RBFOX1: variants seen among roughly 807,000 people sequenced by gnomAD.
RBFOX1 encodes the protein RNA binding protein fox-1 homolog 1.
A neutral mutation model predicts 57.7 loss-of-function variants in RBFOX1; 8 were observed. The ratio of observed to expected loss-of-function variants is 0.14; its 90% CI spans 0.08 to 0.25. RBFOX1 has a LOEUF of 0.25. Among genes scored for constraint, RBFOX1 ranks in the 10% least tolerant of loss-of-function variants. The pLI, the probability that RBFOX1 is intolerant of heterozygous loss-of-function variation, is 1.00. For synonymous variants in RBFOX1, 326 were observed against 222.4 expected, an observed-to-expected ratio of 1.47 and a Z score of -4.15; for missense variants, 611 against 548.5, an observed-to-expected ratio of 1.11 and a Z score of -1.14.
chr16:7,674,838 T>G (rs1485507687), intron 13 of RBFOX1, among the ~76,000 whole-genome samples: 1 of 152,214 alleles, frequency 6.6e-6, no homozygotes, highest in Non-Finnish European at 1.5e-5. Context: ...ACTCGCTGCC[T>G]TCTTCCATTG....
At chr16:7,077,645 G>GT (rs1487720263) in intron 4 of RBFOX1, among the ~76,000 whole-genome samples, 1 of 152,152 alleles carries the variant, frequency 6.6e-6, no homozygotes, top group African/African-American at 2.4e-5. Context: ...TACCGTATTA[G>GT]TAGCAACTTA....
chr16:7,383,282 C>T (rs996992238), intron 4 of RBFOX1, among the ~76,000 whole-genome samples: 1 of 146,254 alleles, frequency 6.8e-6, no homozygotes, highest in Non-Finnish European at 1.5e-5. Flanking sequence ...AAAAAAAAAA[C>T]GTAAAATGCA....
chr16:6,883,375 C>G lies in RBFOX1; in HGVS notation c.-15-168682C>G, dbSNP rs75474815. 6.1e-3 allele frequency among the ~76,000 whole-genome samples: 927 copies of G among 152,258 alleles called. 15 individuals are homozygous for G. Among genetic ancestry groups the G allele is most frequent in the African/African-American group, 0.021 (877 of 41,536 alleles). On this transcript the variant is annotated intron_variant, in intron 3 of 15. Transcript: ENST00000550418. The stretch of plus-strand genomic sequence containing the variant: ...TAAAAGAGTATAATCAAGTAAATCA[C>G]AGCCTTTAAAATCACAGATTTCAAA...
chr16:7,694,310 C>G (rs1360232939), intron 14 of RBFOX1, among the ~76,000 whole-genome samples: 4 of 152,126 alleles, frequency 2.6e-5, no homozygotes, highest in Non-Finnish European at 4.4e-5. Flanking sequence ...CATCTGTTAC[C>G]TTTTATCAAT....
At chr16:6,164,147 A>G (rs74006907) in intron 1 of RBFOX1, among the ~76,000 whole-genome samples, 6,600 of 152,248 alleles carry the variant, frequency 0.043, 462 homozygotes, top group African/African-American at 0.15. Flanking sequence ...GTTTTGTAAC[A>G]TTAATCATCA....
chr16:5,259,227 A>G lies in RBFOX1; in HGVS notation c.219+19122A>G, dbSNP rs549004148. On this transcript the variant is annotated intron_variant, in intron 1 of 2. Transcript: ENST00000585867. Reference sequence around the variant, plus strand: ...GTGTTTTCCATAGTTCCATGTTTCTACAACCCTTAGGAACATCAGAATTAT... The same window carrying G: ...GTGTTTTCCATAGTTCCATGTTTCTGCAACCCTTAGGAACATCAGAATTAT... Among the ~76,000 whole-genome samples, 6 of 151,526 alleles carry G rather than the reference A, an allele frequency of 4.0e-5. No individual in the cohort carries two copies. The East Asian group carries it at 9.7e-4, about 24-fold the overall frequency.
At chr16:5,848,861 A>G (rs1254255665) in intron 3 of RBFOX1, among the ~76,000 whole-genome samples, 1 of 152,122 alleles carries the variant, frequency 6.6e-6, no homozygotes, top group East Asian at 1.9e-4. Context: ...AGGCAGGAGA[A>G]TCACTTGAAT....
At chr16:6,613,030 TGTGTGTGTGTGTGA>T (rs1174195252) in intron 2 of RBFOX1, among the ~76,000 whole-genome samples, 2 of 150,470 alleles carry the variant, frequency 1.3e-5, no homozygotes, top group African/African-American at 2.4e-5. Flanking sequence ...TGTGTGTGTG[TGTGTGTGTGTGTGA>T]GTGTGTGTGT....
intron 2 of RBFOX1, among the ~76,000 whole-genome samples, chr16:6,653,175 G>A (rs1283814400): frequency 1.3e-5 from 2 of 151,918 alleles, no homozygotes; most frequent in Non-Finnish European, 2.9e-5. Flanking sequence ...TTTCTCAATT[G>A]CCACTTTTTC....
chr16:6,337,521 A>C (rs1179682310), intron 2 of RBFOX1, among the ~76,000 whole-genome samples: 1 of 152,184 alleles, frequency 6.6e-6, no homozygotes, highest in African/African-American at 2.4e-5. Flanking sequence ...TAATGGGGGG[A>C]AATGATTGAT....
chr16:7,096,475 C>A (rs1012256030), intron 4 of RBFOX1, among the ~76,000 whole-genome samples: 1 of 152,140 alleles, frequency 6.6e-6, no homozygotes, highest in Non-Finnish European at 1.5e-5. Flanking sequence ...GGGTGGACCA[C>A]ACTCATCCAA....
intron 3 of RBFOX1, among the ~76,000 whole-genome samples, chr16:6,867,317 T>A (rs2060114940): frequency 6.6e-6 from 1 of 152,082 alleles, no homozygotes; most frequent in African/African-American, 2.4e-5. Context: ...CATTATTGGC[T>A]CTGATGATGG....
At chr16:6,501,255 G>T (rs2095913230) in intron 2 of RBFOX1, among the ~76,000 whole-genome samples, 1 of 146,230 alleles carries the variant, frequency 6.8e-6, no homozygotes, top group Non-Finnish European at 1.5e-5. Flanking sequence ...TCTTCATTTA[G>T]CATTAGGTAT....
intron 3 of RBFOX1, among the ~76,000 whole-genome samples, chr16:6,943,112 G>T (rs929629627): frequency 6.6e-6 from 1 of 152,122 alleles, no homozygotes; most frequent in African/African-American, 2.4e-5. Flanking sequence ...AGCCAATCTG[G>T]GTATTCATTC....
chr16:6,977,934 A>AG (rs758551212), intron 3 of RBFOX1, among the ~76,000 whole-genome samples: 52 of 115,278 alleles, frequency 4.5e-4, no homozygotes, highest in Non-Finnish European at 8.3e-4. Flanking sequence ...CAGCCTCCCC[A>AG]GGGAAAAAAA....
At chr16:5,247,023 G>A (rs2062318889) in intron 1 of RBFOX1, among the ~76,000 whole-genome samples, 1 of 152,118 alleles carries the variant, frequency 6.6e-6, no homozygotes, top group African/African-American at 2.4e-5. Context: ...GGTATTTGTC[G>A]TTCTGTGCCT....
intron 3 of RBFOX1, among the ~76,000 whole-genome samples, chr16:6,696,340 AT>A (rs2061043936): frequency 6.6e-6 from 1 of 152,128 alleles, no homozygotes; most frequent in African/African-American, 2.4e-5. Flanking sequence ...GGAAAAAAAA[AT>A]TTAGACTAGC....
intron 3 of RBFOX1, among the ~76,000 whole-genome samples, chr16:6,752,006 G>GA (rs1568461589): frequency 6.6e-6 from 1 of 152,078 alleles, no homozygotes; most frequent in East Asian, 1.9e-4. Flanking sequence ...ATCCCAGTTG[G>GA]AATAGGTGAC....
intron 4 of RBFOX1, among the ~76,000 whole-genome samples, chr16:7,068,264 G>T (rs1395026430): frequency 6.6e-6 from 1 of 152,226 alleles, no homozygotes; most frequent in East Asian, 1.9e-4. Flanking sequence ...TGCCACACTA[G>T]TTATGTAGTA....
Sources: gnomAD v4.1 joint callset for allele counts (sites outside exome capture counted in the v4.1 genomes callset) on GRCh38, gnomAD v4.1.1 for gene constraint, MANE v1.5 for transcripts, NCBI Gene and HGNC (gene_info 2026-07-23, HGNC 2026-07-21) for gene names.